Variants in ENOX1 observed in about 807,000 individuals in gnomAD.
The protein encoded by ENOX1 is ecto-NOX disulfide-thiol exchanger 1, also known as candidate growth-related and time keeping constitutive hydroquinone (NADH) oxidase.
A neutral mutation model predicts 82.5 loss-of-function variants in ENOX1; 42 were observed. The ratio of observed to expected loss-of-function variants is 0.51; its 90% CI spans 0.40 to 0.66. The LOEUF is 0.66. Among genes scored for constraint, ENOX1 ranks in the 30% least tolerant of loss-of-function variants. The pLI is 0.00. For missense variants in ENOX1, 608 were observed against 811.6 expected, an observed-to-expected ratio of 0.75 and a Z score of 3.05; for synonymous variants, 271 against 282.2, an observed-to-expected ratio of 0.96 and a Z score of 0.40.
intron 1 of ENOX1, among the ~76,000 whole-genome samples, chr13:43,719,514 T>A (rs1312255717): frequency 3.3e-5 from 5 of 152,054 alleles, no homozygotes; most frequent in Non-Finnish European, 7.3e-5. Flanking sequence ...ATGCTGTGGC[T>A]GGAAAGATGA....
intron 11 of ENOX1, chr13:43,321,235 G>C: frequency 2.3e-6 from 1 of 438,216 alleles, no homozygotes; most frequent in Non-Finnish European, 4.6e-6. Flanking sequence ...CCCACACCCT[G>C]TAGCCACTAG....
At chr13:43,780,572 A>C (rs1468093575) in intron 1 of ENOX1, among the ~76,000 whole-genome samples, 1 of 152,266 alleles carries the variant, frequency 6.6e-6, no homozygotes, top group Non-Finnish European at 1.5e-5. Flanking sequence ...AAGGAACTGG[A>C]GGTATGAAAG....
intron 5 of ENOX1, among the ~76,000 whole-genome samples, chr13:43,388,486 C>T (rs17064492): frequency 0.059 from 9,027 of 152,186 alleles, 327 homozygotes; most frequent in South Asian, 0.092. Context: ...TAATCATGCA[C>T]CTATATGTGG....
At chr13:43,572,892 A>G (rs1405368823) in intron 2 of ENOX1, among the ~76,000 whole-genome samples, 1 of 152,198 alleles carries the variant, frequency 6.6e-6, no homozygotes, top group Non-Finnish European at 1.5e-5. Context: ...CATAAAAATC[A>G]CCTCTTGCAT....
intron 4 of ENOX1, 141 bp from the exon 5 acceptor site, chr13:43,412,194 C>T (rs1045149514): frequency 6.7e-5 from 64 of 962,112 alleles, no homozygotes; most frequent in Middle Eastern, 2.3e-4. Context: ...TAATCTGCAG[C>T]AATGTTTTCT....
intron 2 of ENOX1, among the ~76,000 whole-genome samples, chr13:43,541,171 C>CTTTTTTTTTTTTTTTTT (rs1555317884): frequency 3.6e-4 from 14 of 38,748 alleles, no homozygotes; most frequent in East Asian, 1.1e-3. Flanking sequence ...CTTCTTCCCT[C>CTTTTTTTTTTTTTTTTT]TGTTTTTTTT....
At chr13:43,271,787 A>G (rs1341807030) in intron 12 of ENOX1, among the ~76,000 whole-genome samples, 2 of 152,010 alleles carry the variant, frequency 1.3e-5, no homozygotes, top group Non-Finnish European at 2.9e-5. Flanking sequence ...TTTAAATGAA[A>G]TGTCTTCCCT....
rs530640634 is a variant in ENOX1, at chr13:43,642,395, G to C, written c.-219+25084C>G. ...TGGTAATAAATAAATTAACCAATAA[G>C]GTGAAGAATAGGAAGAGTTTAAACA... On this transcript the variant is annotated intron_variant, in intron 2 of 16. Transcript: ENST00000690772. 8.5e-5 allele frequency among the ~76,000 whole-genome samples: 13 copies of C among 152,248 alleles called. No individual in the cohort carries two copies. The East Asian group carries it at 2.1e-3, about 25-fold the overall frequency.
chr13:43,768,738 T>C (rs547640578), intron 1 of ENOX1, among the ~76,000 whole-genome samples: 143 of 152,370 alleles, frequency 9.4e-4, no homozygotes, highest in Non-Finnish European at 1.5e-3. Context: ...TTTTACCACT[T>C]GGCCTCTTTC....
At chr13:43,617,332 G>A (rs2082526481) in intron 2 of ENOX1, among the ~76,000 whole-genome samples, 1 of 152,154 alleles carries the variant, frequency 6.6e-6, no homozygotes, top group African/African-American at 2.4e-5. Context: ...ACAAATCCCT[G>A]TTATGAAAAT....
At chr13:43,753,798 TATAATCACTAACCACATAAGAGAAAC>T in intron 1 of ENOX1, among the ~76,000 whole-genome samples, 1 of 152,326 alleles carries the variant, frequency 6.6e-6, no homozygotes, top group Non-Finnish European at 1.5e-5. Context: ...TGTGAAACAG[TATAATCACTAACCACATAAGAGAAAC>T]TCAGGGGCCT....
At chr13:43,691,404 A>G (rs1230732394) in intron 1 of ENOX1, among the ~76,000 whole-genome samples, 2 of 152,080 alleles carry the variant, frequency 1.3e-5, no homozygotes, top group Non-Finnish European at 2.9e-5. Context: ...AAGAAAAAAA[A>G]AAACTATCTA....
intron 8 of ENOX1, among the ~76,000 whole-genome samples, chr13:43,350,412 A>C (rs2049697214): frequency 6.6e-6 from 1 of 152,182 alleles, no homozygotes; most frequent in Non-Finnish European, 1.5e-5. Flanking sequence ...ATACATAGAT[A>C]ATGATGGGGA....
intron 2 of ENOX1, among the ~76,000 whole-genome samples, chr13:43,600,562 T>G (rs1040840485): frequency 6.6e-6 from 1 of 152,150 alleles, no homozygotes; most frequent in Non-Finnish European, 1.5e-5. Context: ...CTCTAGGCCC[T>G]GGCTCCAGGA....
chr13:43,247,780 G>C (rs2043154177), intron 14 of ENOX1, among the ~76,000 whole-genome samples: 1 of 125,516 alleles, frequency 8.0e-6, no homozygotes, highest in Non-Finnish European at 1.6e-5. Flanking sequence ...TCTCTACAGA[G>C]CAACAGTGTC....
At chr13:43,722,801 T>C (rs577320295) in intron 1 of ENOX1, among the ~76,000 whole-genome samples, 3 of 152,304 alleles carry the variant, frequency 2.0e-5, no homozygotes, top group African/African-American at 4.8e-5. Context: ...AAAGTCAATA[T>C]TGAACATTTA....
intron 11 of ENOX1, among the ~76,000 whole-genome samples, chr13:43,315,012 G>A (rs7331160): frequency 0.14 from 20,745 of 152,150 alleles, 1,484 homozygotes; most frequent in African/African-American, 0.17. Context: ...ACAAAGGCTT[G>A]CTTGTTACAC....
intron 11 of ENOX1, among the ~76,000 whole-genome samples, chr13:43,309,328 T>C (rs1172346934): frequency 8.6e-5 from 13 of 151,842 alleles, no homozygotes; most frequent in Non-Finnish European, 1.9e-4. Context: ...AGGCTCAAAG[T>C]TACTTCTTTA....
intron 7 of ENOX1, among the ~76,000 whole-genome samples, chr13:43,357,991 G>A (rs1181314713): frequency 6.6e-6 from 1 of 152,156 alleles, no homozygotes; most frequent in Non-Finnish European, 1.5e-5. Flanking sequence ...TCTGCACCCA[G>A]GTAGGGAAGC....
Sources: allele counts gnomAD v4.1 joint callset (sites outside exome capture counted in the v4.1 genomes callset), GRCh38; gene constraint gnomAD v4.1.1; transcripts MANE v1.5; gene names NCBI Gene and HGNC (gene_info 2026-07-23, HGNC 2026-07-21).